TAF1B: variants seen among roughly 807,000 people sequenced by gnomAD.
TAF1B encodes the protein TATA-box binding protein associated factor, RNA polymerase I subunit B.
A neutral mutation model predicts 83.9 loss-of-function variants in TAF1B; 61 were observed. That is an observed-to-expected ratio of 0.73 (90% CI 0.59 to 0.90). The LOEUF is 0.90. Ranked by LOEUF, TAF1B falls within the 40% of genes least tolerant of loss-of-function variation. TAF1B has a pLI of 0.00. For synonymous variants in TAF1B, 221 were observed against 224.6 expected, an observed-to-expected ratio of 0.98 and a Z score of 0.14; for missense variants, 625 against 677.0, an observed-to-expected ratio of 0.92 and a Z score of 0.85.
chr2:9,895,967 A>C lies in TAF1B; in HGVS notation c.808-8892A>C, dbSNP rs539554098. On this transcript the variant is annotated intron_variant, in intron 8 of 14. Transcript: ENST00000263663. The stretch of plus-strand genomic sequence containing the variant: ...AAAGTATTGCTTCACGAAGGAAAGT[A>C]AACTCGCTGTAATATTTGTGAAATT... 2.6e-5 allele frequency among the ~76,000 whole-genome samples: 4 copies of C among 152,292 alleles called. No individual in the cohort carries two copies. In the South Asian group the frequency reaches 8.3e-4, roughly 32 times the overall value.
rs562698135 is a variant in TAF1B at position 9,899,165 on chromosome 2, C to T, written c.808-5694C>T. ...ACCCATTAAACACCAACTTCCCATT[C>T]CCCACTTGTTCCAGCCTCTGGTAAA... On this transcript the variant is annotated intron_variant, in intron 8 of 14. Transcript: ENST00000263663. 2.2e-4 allele frequency among the ~76,000 whole-genome samples: 34 copies of T among 152,300 alleles called. 1 individual carries two copies. The South Asian group carries it at 7.0e-3, about 32-fold the overall frequency.
At chr2:9,874,363 G>T (rs951552591) in intron 6 of TAF1B, among the ~76,000 whole-genome samples, 10 of 152,096 alleles carry the variant, frequency 6.6e-5, no homozygotes, top group African/African-American at 2.4e-4. Context: ...ATAAAGTAGC[G>T]CATCTCTCTT....
chr2:9,873,329 A>G (rs994172219), intron 6 of TAF1B, among the ~76,000 whole-genome samples: 1 of 152,218 alleles, frequency 6.6e-6, no homozygotes, highest in African/African-American at 2.4e-5. Context: ...GGAGAAAGGG[A>G]TTTTGAGGAG....
At position 9,919,659 on chromosome 2, in the gene TAF1B, A is replaced by G. The variant is rs767566143; in HGVS notation, c.1404A>G (p.Gly468=). The G allele has an allele frequency of 4.4e-6, 7 of 1,592,662 alleles. No homozygotes were observed. The highest frequency in any genetic ancestry group is 2.3e-5 in the East Asian group (1 of 44,290). ...STLVESTATA[G]KKSPSSFQFN... is the part of the protein sequence containing the mutation. ...TGGTCGAGTCAACAGCAACTGCTGG[A>G]AAAAAAAGCCCTTCAAGTTTTCAGT... The change falls in exon 14 of 15, where the codon GGA becomes GGG. Residue 468 remains glycine, a synonymous_variant. Transcript: ENST00000263663.
At chr2:9,926,407 A>G (rs1438678747) in intron 14 of TAF1B, among the ~76,000 whole-genome samples, 5 of 152,138 alleles carry the variant, frequency 3.3e-5, no homozygotes, top group Non-Finnish European at 7.3e-5. Flanking sequence ...CTTACAATGT[A>G]CTTACTGAGT....
At chr2:9,904,322 A>G (rs1404755698) in intron 8 of TAF1B, among the ~76,000 whole-genome samples, 1 of 152,100 alleles carries the variant, frequency 6.6e-6, no homozygotes, top group African/African-American at 2.4e-5. Context: ...TGTGTACTCA[A>G]TGTTTAGCTC....
intron 4 of TAF1B, 137 bp from the exon 5 acceptor site, chr2:9,854,189 G>C: frequency 1.6e-6 from 1 of 631,888 alleles, no homozygotes; most frequent in South Asian, 2.2e-5. Context: ...CTCAACTTGT[G>C]AATACCACAT....
intron 9 of TAF1B, among the ~76,000 whole-genome samples, chr2:9,909,396 T>C (rs1294632732): frequency 1.3e-5 from 2 of 152,218 alleles, no homozygotes; most frequent in Non-Finnish European, 2.9e-5. Context: ...CCAAGTTCTC[T>C]AAGATGAGTG....
At chr2:9,882,320 G>T (rs1030092005) in intron 7 of TAF1B, among the ~76,000 whole-genome samples, 1 of 151,962 alleles carries the variant, frequency 6.6e-6, no homozygotes, top group African/African-American at 2.4e-5. Flanking sequence ...GGCTGGTCTC[G>T]GACTCCTGAC....
intron 5 of TAF1B, among the ~76,000 whole-genome samples, chr2:9,859,511 C>G (rs1033612221): frequency 4.0e-5 from 6 of 151,758 alleles, no homozygotes; most frequent in Non-Finnish European, 5.9e-5. Context: ...CTTAGCCTCC[C>G]GAGTAGCTGG....
At chr2:9,922,716 G>C (rs1267154917) in intron 14 of TAF1B, among the ~76,000 whole-genome samples, 1 of 152,096 alleles carries the variant, frequency 6.6e-6, no homozygotes, top group Non-Finnish European at 1.5e-5. Context: ...AGGACTACTA[G>C]AATGTAAGGA....
chr2:9,933,977 G>T lies in TAF1B; in HGVS notation c.1760G>T (p.Arg587Leu). 1.3e-6 allele frequency: 2 copies of T among 1,584,044 alleles called. No individual in the cohort carries two copies. The highest frequency in any genetic ancestry group is 2.3e-5 in the South Asian group (2 of 85,644). ...AAATCAAGATCCAAGAAAGTGAGAC[G>T]ACATTGAGAAAATGAAATAGAAACT... The part of the protein sequence containing the change: ...RKKSRSKKVR[R>L]H The change falls in exon 15 of 15, where the codon CGA becomes CTA. Residue 587 changes from arginine (R) to leucine (L), a missense_variant. Arg to Leu is a moderately radical substitution (Grantham distance 102, BLOSUM62 -2). Transcript: ENST00000263663.
At position 9,932,956 on chromosome 2, in the gene TAF1B, C is replaced by T. The variant is rs115816114; in HGVS notation, c.1566-827C>T. 5.9e-3 allele frequency among the ~76,000 whole-genome samples: 893 copies of T among 152,344 alleles called. 14 individuals are homozygous for T. Among genetic ancestry groups the T allele is most frequent in the African/African-American group, 0.02 (832 of 41,584 alleles). On this transcript the variant is annotated intron_variant, in intron 14 of 14. Coordinates refer to ENST00000263663, the MANE Select transcript of TAF1B (RefSeq NM_005680.3). ...GCTGCACTAGCAGTGAGCAAGGCTC[C>T]GTGGGCGAGGGACCAGCTGAGCCAG...
chr2:9,894,513 T>C (rs1194879434), intron 8 of TAF1B, among the ~76,000 whole-genome samples: 2 of 152,176 alleles, frequency 1.3e-5, no homozygotes, highest in East Asian at 3.8e-4. Context: ...AGTTAGCAGT[T>C]CATATTCTTA....
At chr2:9,877,806 A>G (rs897991384) in intron 7 of TAF1B, among the ~76,000 whole-genome samples, 1 of 152,072 alleles carries the variant, frequency 6.6e-6, no homozygotes, top group Non-Finnish European at 1.5e-5. Context: ...TAATAGGGGT[A>G]AGATACTACC....
At chr2:9,897,989 C>G (rs748091849) in intron 8 of TAF1B, among the ~76,000 whole-genome samples, 1 of 151,410 alleles carries the variant, frequency 6.6e-6, no homozygotes, top group Non-Finnish European at 1.5e-5. Context: ...CCCCCCACCC[C>G]GCCCCCAGCT....
At chr2:9,882,656 C>A in intron 7 of TAF1B, 50 bp from the exon 8 acceptor site, 4 of 1,254,824 alleles carry the variant, frequency 3.2e-6, no homozygotes, top group Non-Finnish European at 4.5e-6. Flanking sequence ...ATTTACTCTG[C>A]TATATCAGTA....
intron 13 of TAF1B, 72 bp from the exon 14 acceptor site, chr2:9,919,526 A>T: frequency 7.5e-7 from 1 of 1,333,800 alleles, no homozygotes; most frequent in Non-Finnish European, 1.1e-6. Context: ...CATTCCTATC[A>T]AGTAAATTCC....
intron 2 of TAF1B, among the ~76,000 whole-genome samples, chr2:9,848,377 A>G (rs1663275073): frequency 6.6e-6 from 1 of 152,192 alleles, no homozygotes; most frequent in African/African-American, 2.4e-5. Context: ...TTAAGACTCA[A>G]TAATGGGGGC....
Sources: gnomAD v4.1 joint callset for allele counts (sites outside exome capture counted in the v4.1 genomes callset) on GRCh38, gnomAD v4.1.1 for gene constraint, MANE v1.5 for transcripts, NCBI Gene and HGNC (gene_info 2026-07-23, HGNC 2026-07-21) for gene names.